FHIT: variants seen among roughly 807,000 people sequenced by gnomAD.
FHIT encodes the protein bis(5'-adenosyl)-triphosphatase.
A neutral mutation model predicts 17.9 loss-of-function variants in FHIT; 19 were observed. That is an observed-to-expected ratio of 1.06 (90% CI 0.74 to 1.56). The LOEUF (loss-of-function observed/expected upper bound fraction) is 1.56. Ranked by LOEUF, FHIT falls within the 40% of genes most tolerant of loss-of-function variation. The pLI, the probability that FHIT is intolerant of heterozygous loss-of-function variation, is 0.00. For synonymous variants in FHIT, 81 were observed against 69.7 expected (o/e 1.16, Z -0.81); for missense variants, 248 against 189.2 (o/e 1.31, Z -1.82).
intron 3 of FHIT, among the ~76,000 whole-genome samples, chr3:60,841,752 T>G (rs1178084761): frequency 4.6e-5 from 7 of 152,150 alleles, no homozygotes; most frequent in African/African-American, 1.7e-4. Context: ...AGGGAAAGGA[T>G]GCAGGGCTTT....
intron 5 of FHIT, among the ~76,000 whole-genome samples, chr3:60,037,485 CA>C (rs965613998): frequency 6.6e-5 from 10 of 151,044 alleles, no homozygotes; most frequent in Non-Finnish European, 5.9e-5. Flanking sequence ...CAGGTTCAAG[CA>C]ATTCTCATGC....
intron 5 of FHIT, among the ~76,000 whole-genome samples, chr3:60,291,829 A>G (rs1707998398): frequency 6.6e-6 from 1 of 152,074 alleles, no homozygotes; most frequent in Non-Finnish European, 1.5e-5. Context: ...GAAAGAGAGG[A>G]AAGATTGGAG....
At chr3:60,091,004 A>T (rs1703708296) in intron 5 of FHIT, among the ~76,000 whole-genome samples, 1 of 152,230 alleles carries the variant, frequency 6.6e-6, no homozygotes, top group Non-Finnish European at 1.5e-5. Context: ...CACAATGTTC[A>T]GACTGACAAC....
chr3:60,225,969 C>A (rs1466611192), intron 5 of FHIT, among the ~76,000 whole-genome samples: 1 of 152,070 alleles, frequency 6.6e-6, no homozygotes, highest in African/African-American at 2.4e-5. Flanking sequence ...CTGAAGGGAC[C>A]CAGTGAGGCT....
At chr3:60,078,311 A>T (rs1286056687) in intron 5 of FHIT, among the ~76,000 whole-genome samples, 2 of 152,168 alleles carry the variant, frequency 1.3e-5, no homozygotes, top group Non-Finnish European at 2.9e-5. Context: ...AAGGAGCATC[A>T]GTGTCTCCTG....
At chr3:60,900,239 T>C (rs889091773) in intron 3 of FHIT, among the ~76,000 whole-genome samples, 37 of 152,048 alleles carry the variant, frequency 2.4e-4, no homozygotes, top group African/African-American at 8.9e-4. Context: ...GTGCAGCAAA[T>C]GAGGTACAAA....
chr3:61,098,399 T>C (rs2035710298), intron 2 of FHIT, among the ~76,000 whole-genome samples: 1 of 152,194 alleles, frequency 6.6e-6, no homozygotes, highest in African/African-American at 2.4e-5. Flanking sequence ...TCCAGTTTTG[T>C]TCTTTTAGCT....
At chr3:60,320,013 G>T (rs947072648) in intron 5 of FHIT, among the ~76,000 whole-genome samples, 3 of 152,086 alleles carry the variant, frequency 2.0e-5, no homozygotes, top group Non-Finnish European at 2.9e-5. Flanking sequence ...AATTTAAAGC[G>T]CTCCGTAGGA....
At chr3:60,907,439 T>C (rs981987065) in intron 3 of FHIT, among the ~76,000 whole-genome samples, 13 of 152,128 alleles carry the variant, frequency 8.5e-5, no homozygotes, top group African/African-American at 1.2e-4. Flanking sequence ...CTAAGTGAAA[T>C]GTGTAATCCT....
chr3:60,740,226 G>C (rs2042214556), intron 4 of FHIT, among the ~76,000 whole-genome samples: 1 of 152,116 alleles, frequency 6.6e-6, no homozygotes. Context: ...CTTATGAGGT[G>C]GTTTAGCCTA....
intron 5 of FHIT, among the ~76,000 whole-genome samples, chr3:60,415,566 T>C (rs578078937): frequency 6.6e-6 from 1 of 152,216 alleles, no homozygotes; most frequent in South Asian, 2.1e-4. Flanking sequence ...CTTAGATGTC[T>C]AAAAATATTC....
chr3:61,123,830 A>G (rs1206719573), intron 2 of FHIT, among the ~76,000 whole-genome samples: 2 of 152,162 alleles, frequency 1.3e-5, no homozygotes, highest in Non-Finnish European at 2.9e-5. Flanking sequence ...TACCAACATG[A>G]TATCACTGAA....
chr3:59,910,250 G>T (rs538194323), intron 8 of FHIT, among the ~76,000 whole-genome samples: 1 of 152,314 alleles, frequency 6.6e-6, no homozygotes, highest in African/African-American at 2.4e-5. Flanking sequence ...CTCTAAGTGG[G>T]GAGGGAGCTT....
chr3:60,124,370 T>G (rs1248650043), intron 5 of FHIT, among the ~76,000 whole-genome samples: 1 of 152,044 alleles, frequency 6.6e-6, no homozygotes, highest in Non-Finnish European at 1.5e-5. Context: ...GGTTCATTAA[T>G]AAAATGTCTA....
chr3:60,708,602 A>G (rs2041434276), intron 4 of FHIT, among the ~76,000 whole-genome samples: 1 of 152,204 alleles, frequency 6.6e-6, no homozygotes, highest in South Asian at 2.1e-4. Context: ...GCTTGAGTAG[A>G]GAAGTTACTG....
At chr3:60,774,550 C>T (rs1429842975) in intron 4 of FHIT, among the ~76,000 whole-genome samples, 1 of 152,094 alleles carries the variant, frequency 6.6e-6, no homozygotes, top group Non-Finnish European at 1.5e-5. Context: ...ATCTGCCCAC[C>T]TTGACCTCCC....
intron 5 of FHIT, among the ~76,000 whole-genome samples, chr3:60,206,170 T>C (rs922354690): frequency 2.0e-5 from 3 of 147,444 alleles, no homozygotes; most frequent in African/African-American, 7.4e-5. Flanking sequence ...ATAATAATAA[T>C]AATTATAACA....
chr3:60,091,410 C>T (rs1265565505), intron 5 of FHIT, among the ~76,000 whole-genome samples: 1 of 152,150 alleles, frequency 6.6e-6, no homozygotes, highest in Non-Finnish European at 1.5e-5. Context: ...GGCTAGAGAA[C>T]AGATGGCTGC....
At chr3:60,454,228 T>C (rs906962688) in intron 5 of FHIT, among the ~76,000 whole-genome samples, 28 of 152,088 alleles carry the variant, frequency 1.8e-4, no homozygotes. Context: ...CTCCAAATAA[T>C]TAAAATTCTG....
Sources: allele counts gnomAD v4.1 joint callset (sites outside exome capture counted in the v4.1 genomes callset), GRCh38; gene constraint gnomAD v4.1.1; transcripts MANE v1.5; gene names NCBI Gene and HGNC (gene_info 2026-07-23, HGNC 2026-07-21).